The following AGBL4 variants were observed in gnomAD, a reference collection of about 807,000 sequenced individuals.
The protein encoded by AGBL4 is AGBL carboxypeptidase 4, also known as cytosolic carboxypeptidase 6.
A neutral mutation model predicts 66.4 loss-of-function variants in AGBL4; 58 were observed. That is an observed-to-expected ratio of 0.87 (90% confidence interval 0.71 to 1.09). AGBL4 has a LOEUF of 1.09. AGBL4 is among the 50% of genes least tolerant of loss of function. AGBL4 has a pLI of 0.00. For missense variants in AGBL4, 579 were observed against 631.0 expected, an observed-to-expected ratio of 0.92 and a Z score of 0.88; for synonymous variants, 234 against 222.9, an observed-to-expected ratio of 1.05 and a Z score of -0.44.
intron 1 of AGBL4, among the ~76,000 whole-genome samples, chr1:49,965,190 C>G (rs1657454095): frequency 6.6e-6 from 1 of 152,162 alleles, no homozygotes; most frequent in Non-Finnish European, 1.5e-5. Flanking sequence ...CTCACAATCC[C>G]ATGCTCTCTA....
At chr1:49,391,625 G>A (rs1470453100) in intron 3 of AGBL4, among the ~76,000 whole-genome samples, 1 of 144,638 alleles carries the variant, frequency 6.9e-6, no homozygotes, top group African/African-American at 2.6e-5. Flanking sequence ...ACAGTGGCGC[G>A]ATCTCTGCTC....
chr1:49,912,700 T>TC (rs1650977616), intron 1 of AGBL4, among the ~76,000 whole-genome samples: 1 of 152,170 alleles, frequency 6.6e-6, no homozygotes, highest in African/African-American at 2.4e-5. Flanking sequence ...TTTATCTTCT[T>TC]CTGCTATAAC....
chr1:49,597,882 G>T (rs958628588), intron 3 of AGBL4, among the ~76,000 whole-genome samples: 6 of 152,214 alleles, frequency 3.9e-5, no homozygotes, highest in Non-Finnish European at 7.3e-5. Context: ...CTGAGACTTT[G>T]CTGAAGTTGC....
intron 9 of AGBL4, among the ~76,000 whole-genome samples, chr1:48,627,883 G>A (rs1205008619): frequency 6.6e-6 from 1 of 152,080 alleles, no homozygotes; most frequent in Non-Finnish European, 1.5e-5. Context: ...CAGACCCTGG[G>A]GGATTCTTCC....
At chr1:49,546,442 T>C (rs1200468742) in intron 3 of AGBL4, among the ~76,000 whole-genome samples, 1 of 152,088 alleles carries the variant, frequency 6.6e-6, no homozygotes, top group Non-Finnish European at 1.5e-5. Context: ...GTTCCATGAT[T>C]TTGCAACTGT....
chr1:49,632,712 C>G (rs1006084414), intron 3 of AGBL4, among the ~76,000 whole-genome samples: 1 of 152,144 alleles, frequency 6.6e-6, no homozygotes, highest in African/African-American at 2.4e-5. Flanking sequence ...CACATAAACA[C>G]AGAATTGCCT....
At chr1:48,546,874 C>CACAA (rs1284418537) in intron 11 of AGBL4, among the ~76,000 whole-genome samples, 1 of 151,200 alleles carries the variant, frequency 6.6e-6, no homozygotes, top group Non-Finnish European at 1.5e-5. Flanking sequence ...AACACACACA[C>CACAA]ACACACACAC....
intron 5 of AGBL4, among the ~76,000 whole-genome samples, chr1:48,997,886 C>G (rs1052314533): frequency 3.4e-4 from 52 of 152,208 alleles, no homozygotes; most frequent in African/African-American, 1.3e-3. Context: ...TGGTCACCAT[C>G]AAACTCTTCC....
chr1:48,719,948 T>C (rs2148530851), intron 6 of AGBL4, among the ~76,000 whole-genome samples: 1 of 152,334 alleles, frequency 6.6e-6, no homozygotes, highest in South Asian at 2.1e-4. Context: ...GACTTGGTGA[T>C]GGCCTATCAA....
At chr1:49,381,222 G>A (rs985622716) in intron 3 of AGBL4, among the ~76,000 whole-genome samples, 38 of 152,190 alleles carry the variant, frequency 2.5e-4, no homozygotes, top group Non-Finnish European at 4.4e-4. Context: ...AGACATTTAT[G>A]CAGCCAAAAA....
chr1:48,928,414 G>C (rs1654768548), intron 5 of AGBL4, among the ~76,000 whole-genome samples: 1 of 152,326 alleles, frequency 6.6e-6, no homozygotes. Flanking sequence ...AGTTGGGTCA[G>C]ATGGATCTGG....
At chr1:49,213,710 AT>A (rs1299213204) in intron 4 of AGBL4, among the ~76,000 whole-genome samples, 1 of 152,134 alleles carries the variant, frequency 6.6e-6, no homozygotes, top group Non-Finnish European at 1.5e-5. Flanking sequence ...ACAGCCTAAT[AT>A]AATATACAAG....
chr1:49,295,552 T>C (rs1006673750), intron 3 of AGBL4, among the ~76,000 whole-genome samples: 10 of 152,146 alleles, frequency 6.6e-5, no homozygotes, highest in African/African-American at 1.9e-4. Context: ...AGAGTCAAAC[T>C]AGGAAGTCAG....
intron 1 of AGBL4, among the ~76,000 whole-genome samples, chr1:49,893,107 C>T (rs181855840): frequency 6.6e-6 from 1 of 152,136 alleles, no homozygotes; most frequent in South Asian, 2.1e-4. Flanking sequence ...GGAAAATCAA[C>T]AATCCTTAGA....
chr1:49,004,408 G>A (rs1325080287), intron 5 of AGBL4, among the ~76,000 whole-genome samples: 1 of 152,176 alleles, frequency 6.6e-6, no homozygotes, highest in Non-Finnish European at 1.5e-5. Context: ...CAGCCTGAAT[G>A]GGCTGAATAA....
chr1:49,449,046 T>G (rs1236959198), intron 3 of AGBL4, among the ~76,000 whole-genome samples: 1 of 152,040 alleles, frequency 6.6e-6, no homozygotes, highest in Non-Finnish European at 1.5e-5. Flanking sequence ...TAAAATGAAT[T>G]TATTAAGTCT....
chr1:48,968,119 T>A (rs1428330086), intron 5 of AGBL4, among the ~76,000 whole-genome samples: 1 of 152,086 alleles, frequency 6.6e-6, no homozygotes, highest in Non-Finnish European at 1.5e-5. Context: ...GGAACTACCC[T>A]AAGGAAAAAA....
At chr1:48,994,835 A>G (rs1023026030) in intron 5 of AGBL4, among the ~76,000 whole-genome samples, 1 of 152,196 alleles carries the variant, frequency 6.6e-6, no homozygotes, top group Admixed American at 6.5e-5. Flanking sequence ...TGTAGTATAT[A>G]TTTCCTATGC....
chr1:49,809,616 C>T (rs964121990), intron 2 of AGBL4, among the ~76,000 whole-genome samples: 8 of 152,044 alleles, frequency 5.3e-5, no homozygotes, highest in African/African-American at 1.7e-4. Flanking sequence ...GCTAATAATA[C>T]CGTATTGCAC....
Sources: allele counts gnomAD v4.1 joint callset (sites outside exome capture counted in the v4.1 genomes callset), GRCh38; gene constraint gnomAD v4.1.1; transcripts MANE v1.5; gene names NCBI Gene and HGNC (gene_info 2026-07-23, HGNC 2026-07-21).